The following ITPR1 variants were observed in gnomAD, a reference collection of about 807,000 sequenced individuals.
ITPR1 encodes inositol 1,4,5-trisphosphate-gated calcium channel ITPR1.
In ITPR1, 96 loss-of-function variants were observed where a neutral mutation model predicts 318.4. The ratio of observed to expected loss-of-function variants is 0.30; its 90% CI spans 0.26 to 0.36. The LOEUF (loss-of-function observed/expected upper bound fraction) is 0.36, where lower values mean the gene tolerates loss of function less well. Ranked by LOEUF, ITPR1 falls within the 10% of genes least tolerant of loss-of-function variation. The pLI is 1.00. For synonymous variants in ITPR1, 1,312 were observed against 1,289.9 expected (o/e 1.02, Z -0.37); for missense variants, 2,440 against 3,460.2 (o/e 0.71, Z 7.40).
rs1036506723 is a variant in ITPR1 at position 4,524,863 on chromosome 3, A to G, written c.163+3769A>G. On this transcript the variant is annotated intron_variant, in intron 4 of 61. Transcript: ENST00000649015. The stretch of plus-strand genomic sequence containing the variant: ...TGAACAGATTACTTCACCTTTGCCA[A>G]CCTTGGTTTTCTCACCTGTAAAATG... Among the ~76,000 whole-genome samples the G allele has an allele frequency of 4.6e-5, 7 of 152,244 alleles. No individual in the cohort carries two copies. The South Asian group carries it at 1.2e-3, about 27-fold the overall frequency.
At chr3:4,624,610 C>T (rs1575776763) in intron 4 of ITPR1, among the ~76,000 whole-genome samples, 1 of 136,296 alleles carries the variant, frequency 7.3e-6, no homozygotes, top group African/African-American at 2.8e-5. Context: ...GCAGAGGTTA[C>T]AGTGAGCCGA....
chr3:4,785,872 G>A (rs1055908824), intron 51 of ITPR1, among the ~76,000 whole-genome samples: 1 of 152,238 alleles, frequency 6.6e-6, no homozygotes, highest in East Asian at 1.9e-4. Flanking sequence ...ATGGTAAAGA[G>A]AAGTGACCAG....
At chr3:4,687,287 G>A (rs11920954) in intron 30 of ITPR1, among the ~76,000 whole-genome samples, 1 of 152,212 alleles carries the variant, frequency 6.6e-6, no homozygotes, top group East Asian at 1.9e-4. Flanking sequence ...AGTCTAGCCC[G>A]GAACCAAAAG....
At chr3:4,619,097 T>G (rs1242897024) in intron 4 of ITPR1, among the ~76,000 whole-genome samples, 1 of 152,226 alleles carries the variant, frequency 6.6e-6, no homozygotes, top group Non-Finnish European at 1.5e-5. Flanking sequence ...CTGTGTTATA[T>G]TTGAGCTTCC....
intron 40 of ITPR1, among the ~76,000 whole-genome samples, chr3:4,718,440 A>G (rs754002514): frequency 3.9e-5 from 6 of 152,254 alleles, no homozygotes; most frequent in Non-Finnish European, 7.3e-5. Flanking sequence ...TTTCAGGAAT[A>G]CTAAGAAATG....
intron 4 of ITPR1, among the ~76,000 whole-genome samples, chr3:4,618,610 C>T (rs1037114582): frequency 2.0e-5 from 3 of 152,198 alleles, no homozygotes; most frequent in African/African-American, 4.8e-5. Flanking sequence ...TCTTTATTTG[C>T]ATAGCTCTTT....
intron 44 of ITPR1, among the ~76,000 whole-genome samples, chr3:4,742,034 C>A (rs1474651501): frequency 6.6e-6 from 1 of 152,132 alleles, no homozygotes; most frequent in Non-Finnish European, 1.5e-5. Context: ...AGAGACACTG[C>A]CCTTCTGCGG....
At chr3:4,800,131 T>C in intron 53 of ITPR1, 1 of 407,054 alleles carries the variant, frequency 2.5e-6, no homozygotes, top group Non-Finnish European at 4.4e-6. Flanking sequence ...TGACATGTTT[T>C]TGTGGGGAGG....
At chr3:4,724,109 C>G (rs929090628) in intron 40 of ITPR1, among the ~76,000 whole-genome samples, 4 of 152,176 alleles carry the variant, frequency 2.6e-5, no homozygotes, top group Non-Finnish European at 4.4e-5. Context: ...TGTCCCTCCC[C>G]ACCCCGAGCA....
intron 26 of ITPR1, among the ~76,000 whole-genome samples, chr3:4,682,718 G>A (rs1012652772): frequency 2.6e-5 from 4 of 152,140 alleles, no homozygotes; most frequent in Admixed American, 6.5e-5. Context: ...GGAATACATA[G>A]CATGAATACA....
At chr3:4,501,876 G>A (rs746557759) in intron 2 of ITPR1, among the ~76,000 whole-genome samples, 2 of 152,196 alleles carry the variant, frequency 1.3e-5, no homozygotes, top group South Asian at 4.1e-4. Context: ...AGGAACTTAT[G>A]TTTTATCATA....
intron 3 of ITPR1, among the ~76,000 whole-genome samples, chr3:4,517,812 G>C (rs909925948): frequency 1.3e-5 from 2 of 152,096 alleles, no homozygotes; most frequent in African/African-American, 4.8e-5. Flanking sequence ...GCTCCTTCCT[G>C]TTTTCATCGT....
chr3:4,495,407 C>T (rs1575292805), intron 2 of ITPR1, among the ~76,000 whole-genome samples: 2 of 152,174 alleles, frequency 1.3e-5, no homozygotes, highest in Non-Finnish European at 2.9e-5. Flanking sequence ...TCAGACACTT[C>T]ATTATAGTGG....
chr3:4,673,675 C>T (rs1482712634), intron 21 of ITPR1, among the ~76,000 whole-genome samples: 4 of 152,106 alleles, frequency 2.6e-5, no homozygotes, highest in Non-Finnish European at 4.4e-5. Context: ...CTCTGCCTCC[C>T]GGGTTCGTGC....
chr3:4,596,981 G>C (rs2090878158), intron 4 of ITPR1, among the ~76,000 whole-genome samples: 1 of 152,208 alleles, frequency 6.6e-6, no homozygotes, highest in Non-Finnish European at 1.5e-5. Flanking sequence ...CAGCAAAAGA[G>C]AGTTAGGATT....
chr3:4,733,509 T>C (rs1328741396), intron 43 of ITPR1, among the ~76,000 whole-genome samples: 1 of 152,192 alleles, frequency 6.6e-6, no homozygotes, highest in Non-Finnish European at 1.5e-5. Context: ...TTGATTTTAT[T>C]GCACTTCGTC....
chr3:4,600,851 A>G (rs1312822984), intron 4 of ITPR1, among the ~76,000 whole-genome samples: 3 of 152,214 alleles, frequency 2.0e-5, no homozygotes, highest in African/African-American at 4.8e-5. Flanking sequence ...GAATGGAGAA[A>G]TAAAAATATG....
At chr3:4,588,199 A>C (rs1559495507) in intron 4 of ITPR1, among the ~76,000 whole-genome samples, 2 of 152,196 alleles carry the variant, frequency 1.3e-5, no homozygotes, top group Non-Finnish European at 2.9e-5. Flanking sequence ...TAAGAAGTAG[A>C]TGCATACAGT....
At position 4,826,226 on chromosome 3, in the gene ITPR1, A is replaced by G. The variant is rs1235341551; in HGVS notation, c.8028+7984A>G. On this transcript the variant is annotated intron_variant, in intron 60 of 61. Transcript: ENST00000649015. The surrounding 1 kb of genome is among the most constrained non-coding windows in gnomAD (Gnocchi z 4.2). ...TCTGAATTCCAGTGAGGATGCTGGCAGGAAGGGAGTGCCTAGGTATGTTCC... is the reference window on the plus strand; with the variant it reads ...TCTGAATTCCAGTGAGGATGCTGGCGGGAAGGGAGTGCCTAGGTATGTTCC... Among the ~76,000 whole-genome samples, 1 of 152,258 alleles carries G rather than the reference A, an allele frequency of 6.6e-6. No individual in the cohort carries two copies. Among genetic ancestry groups the G allele is most frequent in the African/African-American group, 2.4e-5 (1 of 41,478 alleles).
Sources: gnomAD v4.1 joint callset for allele counts (sites outside exome capture counted in the v4.1 genomes callset) on GRCh38, gnomAD v4.1.1 for gene constraint, Gnocchi (gnomAD v3.1) non-coding constraint, MANE v1.5 for transcripts, NCBI Gene and HGNC (gene_info 2026-07-23, HGNC 2026-07-21) for gene names.